The following MAP3K5 variants were observed in gnomAD, a reference collection of about 807,000 sequenced individuals.
The protein encoded by MAP3K5 is ASK-1.
In MAP3K5, 56 loss-of-function variants were observed where a neutral mutation model predicts 158.7. The observed-to-expected ratio is 0.35, with a 90% CI of 0.28 to 0.44. The LOEUF (loss-of-function observed/expected upper bound fraction) is 0.44, where lower values mean the gene tolerates loss of function less well. MAP3K5 is among the 20% of genes least tolerant of loss of function. The pLI, the probability that MAP3K5 is intolerant of heterozygous loss-of-function variation, is 1.00. For missense variants in MAP3K5, 1,294 were observed against 1,674.8 expected (o/e 0.77, Z 3.97); for synonymous variants, 579 against 601.7 (o/e 0.96, Z 0.55).
chr6:136,589,843 C>T (rs771825515), intron 23 of MAP3K5, among the ~76,000 whole-genome samples: 8 of 152,134 alleles, frequency 5.3e-5, no homozygotes, highest in Non-Finnish European at 1.2e-4. Context: ...TTTCAGCCTC[C>T]AGAACTGTGA....
At chr6:136,616,972 C>T (rs1017854782) in intron 15 of MAP3K5, among the ~76,000 whole-genome samples, 1 of 152,114 alleles carries the variant, frequency 6.6e-6, no homozygotes, top group Non-Finnish European at 1.5e-5. Context: ...CCAGCCTCAG[C>T]CTCCCAAAGT....
intron 15 of MAP3K5, 22 bp from the exon 16 acceptor site, chr6:136,614,308 A>G (rs762942044): frequency 1.9e-6 from 3 of 1,608,722 alleles, no homozygotes; most frequent in South Asian, 2.2e-5. Context: ...GCAATTGTCA[A>G]TGAGTTAATT....
chr6:136,666,610 CATT>C (rs2114507665), intron 8 of MAP3K5, among the ~76,000 whole-genome samples: 1 of 152,194 alleles, frequency 6.6e-6, no homozygotes, highest in South Asian at 2.1e-4. Flanking sequence ...CAATTAACAT[CATT>C]ATTATATTAA....
intron 15 of MAP3K5, among the ~76,000 whole-genome samples, chr6:136,615,892 T>C (rs1179778954): frequency 6.6e-6 from 1 of 152,172 alleles, no homozygotes; most frequent in Non-Finnish European, 1.5e-5. Flanking sequence ...ATAATGCTAT[T>C]TTCAATAAGC....
At chr6:136,720,875 G>C (rs1781719400) in intron 1 of MAP3K5, among the ~76,000 whole-genome samples, 1 of 152,108 alleles carries the variant, frequency 6.6e-6, no homozygotes, top group Non-Finnish European at 1.5e-5. Flanking sequence ...GAACTCCTAG[G>C]CTCAAATGAT....
intron 1 of MAP3K5, among the ~76,000 whole-genome samples, chr6:136,761,634 G>A (rs571795943): frequency 3.3e-5 from 5 of 152,194 alleles, no homozygotes; most frequent in Non-Finnish European, 5.9e-5. Flanking sequence ...AGAAAAGACC[G>A]GCAACCCTGC....
At chr6:136,636,733 A>G (rs1777654815) in intron 14 of MAP3K5, 2 of 735,972 alleles carry the variant, frequency 2.7e-6, no homozygotes, top group Non-Finnish European at 3.3e-6. Flanking sequence ...GCTTGAGCCC[A>G]GGAATTCAAG....
chr6:136,700,119 AAAG>A (rs1343127216), intron 3 of MAP3K5, among the ~76,000 whole-genome samples: 1 of 152,114 alleles, frequency 6.6e-6, no homozygotes, highest in Non-Finnish European at 1.5e-5. Context: ...AGAGAGAGAG[AAAG>A]AAGGAAAGAA....
intron 2 of MAP3K5, among the ~76,000 whole-genome samples, chr6:136,718,579 A>G (rs930064126): frequency 1.3e-5 from 2 of 152,220 alleles, no homozygotes; most frequent in African/African-American, 4.8e-5. Context: ...AATATGTACA[A>G]GATAAATGAG....
chr6:136,676,937 G>A (rs796299049), intron 7 of MAP3K5, among the ~76,000 whole-genome samples: 39 of 150,738 alleles, frequency 2.6e-4, no homozygotes, highest in Admixed American at 6.6e-4. Flanking sequence ...GATTACAGGT[G>A]CACGCCACCA....
chr6:136,643,406 C>T lies in MAP3K5; in HGVS notation c.1789-837G>A, dbSNP rs371933688. Among the ~76,000 whole-genome samples, 8 of 152,196 alleles carry T rather than the reference C, an allele frequency of 5.3e-5. 1 individual carries two copies. The highest frequency in any genetic ancestry group is 3.4e-3 in the Middle Eastern group (1 of 294). On this transcript the variant is annotated intron_variant, in intron 11 of 29. Transcript: ENST00000359015. ...GTGTCTAAGTTGAGCAAGTACAGTA[C>T]GGCAATAAACTGACACTGACATTCA... is the stretch of plus-strand genomic sequence containing the variant.
chr6:136,756,894 G>C (rs1290973985), intron 1 of MAP3K5, among the ~76,000 whole-genome samples: 1 of 152,202 alleles, frequency 6.6e-6, no homozygotes, highest in Non-Finnish European at 1.5e-5. Context: ...TAGGAAGACT[G>C]ACCCCAAGAC....
chr6:136,762,961 T>G (rs1377445869), intron 1 of MAP3K5, among the ~76,000 whole-genome samples: 3 of 152,188 alleles, frequency 2.0e-5, no homozygotes, highest in Admixed American at 6.5e-5. Context: ...ACCGGATGCA[T>G]GTTAGCATTA....
At chr6:136,582,277 T>C (rs1384015178) in intron 24 of MAP3K5, among the ~76,000 whole-genome samples, 3 of 148,322 alleles carry the variant, frequency 2.0e-5, no homozygotes, top group Admixed American at 6.7e-5. Flanking sequence ...TGTGTGTGTG[T>C]GTGTGTGTGT....
Position 136,564,199 on chromosome 6 carries a change from A to G in MAP3K5, c.3762-1584T>C, listed in dbSNP as rs1830636715. 2.6e-5 allele frequency among the ~76,000 whole-genome samples: 4 copies of G among 152,348 alleles called. No homozygotes were observed. The South Asian group carries it at 8.3e-4, about 32-fold the overall frequency. ...TCAGTCCCTGGAAAAGAGCCTTTCC[A>G]GGACTCAGTGGGAAGGAAACCTTCC... On this transcript the variant is annotated intron_variant, in intron 26 of 29. Transcript: ENST00000359015.
chr6:136,641,199 A>G (rs1777915023), intron 12 of MAP3K5, among the ~76,000 whole-genome samples: 2 of 152,230 alleles, frequency 1.3e-5, no homozygotes, highest in South Asian at 4.1e-4. Flanking sequence ...GAGTCAGTCC[A>G]TCATCTTGCT....
intron 1 of MAP3K5, among the ~76,000 whole-genome samples, chr6:136,738,329 C>CT (rs2114862826): frequency 1.3e-5 from 2 of 152,264 alleles, no homozygotes; most frequent in South Asian, 4.1e-4. Context: ...GCTCTCTCTA[C>CT]TTGAGACCTT....
intron 14 of MAP3K5, among the ~76,000 whole-genome samples, chr6:136,634,998 C>T (rs1352353450): frequency 6.6e-6 from 1 of 151,902 alleles, no homozygotes; most frequent in Non-Finnish European, 1.5e-5. Context: ...GATTCTCCTG[C>T]CTCAGCCTCC....
intron 26 of MAP3K5, 65 bp from the exon 27 acceptor site, chr6:136,562,680 TA>T (rs1830568734): frequency 4.8e-6 from 4 of 833,126 alleles, no homozygotes; most frequent in Middle Eastern, 3.4e-4. Context: ...TTTTTATTTT[TA>T]TTTTTTTAGA....
Sources: gnomAD v4.1 joint callset for allele counts (sites outside exome capture counted in the v4.1 genomes callset) on GRCh38, gnomAD v4.1.1 for gene constraint, MANE v1.5 for transcripts, NCBI Gene and HGNC (gene_info 2026-07-23, HGNC 2026-07-21) for gene names.